The following PTPN13 variants were observed in gnomAD, a reference collection of about 807,000 sequenced individuals.
The protein encoded by PTPN13 is protein tyrosine phosphatase non-receptor type 13.
Under a neutral mutation model 284.0 loss-of-function variants are expected in PTPN13, and 191 were observed. The ratio of observed to expected loss-of-function variants is 0.67; its 90% CI spans 0.60 to 0.76. The LOEUF is 0.76. Ranked by LOEUF, PTPN13 falls within the 30% of genes least tolerant of loss-of-function variation. The pLI, the probability that PTPN13 is intolerant of heterozygous loss-of-function variation, is 0.00. For missense variants in PTPN13, 2,797 were observed against 2,939.9 expected, an observed-to-expected ratio of 0.95 and a Z score of 1.12; for synonymous variants, 986 against 1,022.3, an observed-to-expected ratio of 0.96 and a Z score of 0.68.
intron 1 of PTPN13, among the ~76,000 whole-genome samples, chr4:86,611,089 C>A (rs114332792): frequency 0.026 from 3,955 of 152,122 alleles, 80 homozygotes; most frequent in Non-Finnish European, 0.041. Context: ...TTCTGCTATT[C>A]TTCCTTTTTC....
At position 86,741,670 on chromosome 4, in the gene PTPN13, C is replaced by T. The variant is rs1161759884; in HGVS notation, c.2341C>T (p.His781Tyr). The T allele has an allele frequency of 1.2e-6, 2 of 1,613,578 alleles. No individual in the cohort carries two copies. Among genetic ancestry groups the T allele is most frequent in the African/African-American group, 2.7e-5 (2 of 74,922 alleles). ...ACTGACAGAATATGGAGTTCATTTT[C>T]ACCGAGTGCACCCTGAGAAGAAGTC... is the stretch of plus-strand genomic sequence containing the variant. ...QRLTEYGVHF[H>Y]RVHPEKKSQT... Residue 781 changes from histidine (H) to tyrosine (Y), a missense_variant, in exon 16 of 48, where the codon CAC (histidine) becomes TAC (tyrosine). By Grantham distance (83) the His-to-Tyr change is moderately conservative. Coordinates refer to ENST00000411767, the MANE Select transcript of PTPN13 (RefSeq NM_080683.3).
intron 21 of PTPN13, 150 bp from the exon 22 acceptor site, chr4:86,758,528 C>G (rs1325195018): frequency 2.2e-6 from 2 of 907,964 alleles, no homozygotes. Context: ...TAAGAAATGC[C>G]TACAAGAAAT....
chr4:86,766,555 G>C, intron 27 of PTPN13, 38 bp downstream of exon 27: 1 of 1,425,282 alleles, frequency 7.0e-7, no homozygotes, highest in Non-Finnish European at 9.6e-7. Flanking sequence ...CAGTACCTTA[G>C]AAGAGCAAAA....
intron 3 of PTPN13, among the ~76,000 whole-genome samples, chr4:86,673,104 C>T (rs1453668775): frequency 1.3e-5 from 2 of 152,160 alleles, no homozygotes; most frequent in Non-Finnish European, 2.9e-5. Flanking sequence ...AGGCAGAGCT[C>T]AGGTGGTAAC....
At chr4:86,749,301 TTCTTCA>T (rs1293250701) in intron 17 of PTPN13, among the ~76,000 whole-genome samples, 3 of 151,888 alleles carry the variant, frequency 2.0e-5, no homozygotes, top group Non-Finnish European at 2.9e-5. Flanking sequence ...CTCCTCCTTT[TTCTTCA>T]TCTTCATCAT....
At position 86,712,514 on chromosome 4, in the gene PTPN13, C is replaced by T. The variant is rs145136575; in HGVS notation, c.1196-4016C>T. On this transcript the variant is annotated intron_variant, in intron 7 of 47. Coordinates refer to ENST00000411767, the MANE Select transcript of PTPN13 (RefSeq NM_080683.3). The stretch of plus-strand genomic sequence containing the variant: ...TTATTCATAAATTTTCCAAGACACA[C>T]TTCAGAACACAAGAAGCTCACAAAA... 6.4e-3 allele frequency among the ~76,000 whole-genome samples: 968 copies of T among 152,092 alleles called. 9 individuals are homozygous for T. The highest frequency in any genetic ancestry group is 0.021 in the African/African-American group (870 of 41,510).
At chr4:86,738,198 A>C (rs1735750582) in intron 15 of PTPN13, among the ~76,000 whole-genome samples, 1 of 152,144 alleles carries the variant, frequency 6.6e-6, no homozygotes, top group African/African-American at 2.4e-5. Flanking sequence ...TTCTGTGAAC[A>C]CAGTTTTTAT....
At chr4:86,635,728 C>T (rs1307453228) in intron 2 of PTPN13, among the ~76,000 whole-genome samples, 1 of 152,122 alleles carries the variant, frequency 6.6e-6, no homozygotes, top group African/African-American at 2.4e-5. Context: ...CTTTGGGAGG[C>T]TGAGGTTGGG....
At chr4:86,608,207 A>G (rs951272987) in intron 1 of PTPN13, among the ~76,000 whole-genome samples, 1 of 152,126 alleles carries the variant, frequency 6.6e-6, no homozygotes, top group Non-Finnish European at 1.5e-5. Context: ...GGGACATTAT[A>G]AAGATTTGTA....
chr4:86,813,146 T>G (rs1281269479), intron 47 of PTPN13, among the ~76,000 whole-genome samples: 1 of 152,206 alleles, frequency 6.6e-6, no homozygotes, highest in Non-Finnish European at 1.5e-5. Flanking sequence ...TTAGGAGATG[T>G]TCTTATATTC....
Position 86,753,031 on chromosome 4 carries a change from A to G in PTPN13, c.3189A>G (p.Gly1063=). 6.2e-7 allele frequency: 1 copy of G among 1,608,710 alleles called. No homozygotes were observed. Among genetic ancestry groups the G allele is most frequent in the African/African-American group, 1.3e-5 (1 of 74,920 alleles). ...CAGGAATGACTATGCATAGTTCTGG[A>G]AACTCTTCATCCCAAGTACCCTTAA... ...YVLGMTMHSS[G]NSSSQVPLKE... is the part of the protein sequence containing the mutation. Residue 1063 remains glycine, a synonymous_variant, in exon 20 of 48, where the codon GGA becomes GGG. Coordinates refer to ENST00000411767, the MANE Select transcript of PTPN13 (RefSeq NM_080683.3).
chr4:86,729,366 C>T (rs1039245103), intron 10 of PTPN13, among the ~76,000 whole-genome samples: 7 of 149,356 alleles, frequency 4.7e-5, no homozygotes, highest in African/African-American at 1.7e-4. Flanking sequence ...CTCTTTATTT[C>T]CTGAATTTGA....
chr4:86,753,046 A>G lies in PTPN13; in HGVS notation c.3204A>G (p.Gln1068=), dbSNP rs762233268. The change falls in exon 20 of 48, where the codon CAA becomes CAG. Residue 1068 remains glutamine (Q), a synonymous_variant. Coordinates refer to ENST00000411767, the MANE Select transcript of PTPN13 (RefSeq NM_080683.3). ...TMHSSGNSSS[Q]VPLKENDVLH... ...ATAGTTCTGGAAACTCTTCATCCCA[A>G]GTACCCTTAAAAGAAAATGGTAGGT... is the stretch of plus-strand genomic sequence containing the variant. 1 of 1,607,914 alleles carries G rather than the reference A, an allele frequency of 6.2e-7. No individual in the cohort carries two copies. The highest frequency in any genetic ancestry group is 1.7e-5 in the Admixed American group (1 of 59,852).
chr4:86,762,873 G>A lies in PTPN13; in HGVS notation c.3700G>A (p.Gly1234Arg), dbSNP rs755931344. 18 of 1,613,724 alleles carry A rather than the reference G, an allele frequency of 1.1e-5. No individual in the cohort carries two copies. The South Asian group carries it at 2.0e-4, about 18-fold the overall frequency. The change falls in exon 24 of 48, where the codon GGG becomes AGG. Residue 1234 changes from glycine (G) to arginine (R), a missense_variant. By Grantham distance (125) the Gly-to-Arg change is moderately radical. Transcript: ENST00000411767. ...GAGGCACATCTCGGAGAACTCCTTT[G>A]GGCCATCTGGGGGCCTGCGGGAAGG... Reference protein sequence around the residue: ...TLRHISENSFGPSGGLREGSL... With the variant: ...TLRHISENSFRPSGGLREGSL...
chr4:86,644,849 T>TA (rs1724228717), intron 2 of PTPN13, among the ~76,000 whole-genome samples: 4 of 152,164 alleles, frequency 2.6e-5, no homozygotes, highest in Non-Finnish European at 5.9e-5. Context: ...GAAAACTATA[T>TA]TATCTTTTTA....
chr4:86,612,694 A>G (rs765564658), intron 1 of PTPN13, among the ~76,000 whole-genome samples: 3 of 152,210 alleles, frequency 2.0e-5, no homozygotes, highest in Non-Finnish European at 4.4e-5. Flanking sequence ...AAAAAAAGCC[A>G]AAGAAAAAGG....
chr4:86,595,255 C>T (rs1646631173), intron 1 of PTPN13, among the ~76,000 whole-genome samples: 1 of 151,598 alleles, frequency 6.6e-6, no homozygotes, highest in African/African-American at 2.4e-5. Flanking sequence ...TGTGTAAGGG[C>T]TCGAGAAGGG....
intron 1 of PTPN13, among the ~76,000 whole-genome samples, chr4:86,624,165 C>T (rs550696075): frequency 6.6e-6 from 1 of 152,120 alleles, no homozygotes; most frequent in South Asian, 2.1e-4. Flanking sequence ...ATTTGACTCT[C>T]TTGTAGCTTT....
At chr4:86,811,303 A>G (rs578142096) in intron 47 of PTPN13, among the ~76,000 whole-genome samples, 195 bp downstream of exon 47, 5 of 152,322 alleles carry the variant, frequency 3.3e-5, no homozygotes, top group Admixed American at 3.3e-4. Flanking sequence ...CAAGCTTTTT[A>G]AAATGTTGCC....
Sources: allele counts gnomAD v4.1 joint callset (sites outside exome capture counted in the v4.1 genomes callset), GRCh38; gene constraint gnomAD v4.1.1; transcripts MANE v1.5; gene names NCBI Gene and HGNC (gene_info 2026-07-23, HGNC 2026-07-21).